RNF216: variants seen among roughly 807,000 people sequenced by gnomAD.
RNF216 encodes E3 ubiquitin-protein ligase RNF216.
RNF216 carries 72 observed loss-of-function variants against 110.8 expected under a neutral mutation model. The ratio of observed to expected loss-of-function variants is 0.65; its 90% confidence interval spans 0.54 to 0.79. RNF216 has a LOEUF of 0.79. RNF216 is among the 30% of genes least tolerant of loss of function. RNF216 has a pLI of 0.00. For synonymous variants in RNF216, 495 were observed against 407.5 expected, an observed-to-expected ratio of 1.21 and a Z score of -2.59; for missense variants, 1,342 against 1,141.2, an observed-to-expected ratio of 1.18 and a Z score of -2.54.
chr7:5,686,333 C>T (rs1486934991), intron 13 of RNF216, among the ~76,000 whole-genome samples: 1 of 152,052 alleles, frequency 6.6e-6, no homozygotes, highest in Non-Finnish European at 1.5e-5. Flanking sequence ...GTCAAAGAGC[C>T]CTTACCTGTT....
intron 14 of RNF216, among the ~76,000 whole-genome samples, chr7:5,645,635 C>A (rs569073089): frequency 1.3e-5 from 2 of 151,732 alleles, no homozygotes; most frequent in Non-Finnish European, 2.9e-5. Context: ...TCTGTCCCCA[C>A]GCTGGTGTGC....
intron 14 of RNF216, among the ~76,000 whole-genome samples, chr7:5,645,111 C>T (rs552831344): frequency 4.6e-5 from 7 of 152,044 alleles, no homozygotes; most frequent in Non-Finnish European, 7.4e-5. Flanking sequence ...CACCGTGCCC[C>T]GCCTGTTTGC....
intron 13 of RNF216, among the ~76,000 whole-genome samples, chr7:5,661,490 G>T (rs1584399896): frequency 1.3e-5 from 2 of 152,280 alleles, no homozygotes; most frequent in South Asian, 2.1e-4. Flanking sequence ...AAGTACTGGA[G>T]AATTATTCCC....
intron 3 of RNF216, among the ~76,000 whole-genome samples, chr7:5,742,626 C>T (rs979390368): frequency 5.2e-5 from 6 of 115,468 alleles, no homozygotes; most frequent in African/African-American, 9.8e-5. Context: ...GACAGAGTCT[C>T]GCTCTATTGC....
At chr7:5,668,616 G>C (rs1258536034) in intron 13 of RNF216, among the ~76,000 whole-genome samples, 1 of 152,136 alleles carries the variant, frequency 6.6e-6, no homozygotes, top group Non-Finnish European at 1.5e-5. Flanking sequence ...CTGAGGATGA[G>C]GGTCAAAGGA....
At chr7:5,701,132 C>T (rs568007529) in intron 13 of RNF216, among the ~76,000 whole-genome samples, 132 of 152,322 alleles carry the variant, frequency 8.7e-4, no homozygotes, top group African/African-American at 3.1e-3. Context: ...CAGCACGTGG[C>T]TCTCCCCAGG....
In RNF216 at chr7:5,755,435, C is replaced by A. The variant is rs189457271; in HGVS notation, c.68-2456G>T. 5.2e-3 allele frequency among the ~76,000 whole-genome samples: 798 copies of A among 152,230 alleles called. 2 individuals are homozygous for A. Among genetic ancestry groups the A allele is most frequent in the South Asian group, 0.032 (154 of 4,816 alleles). Reference sequence around the variant, plus strand: ...AGCTCTATGAATTAATACAAAGGGCCATCTGTGTATAATCACCACCACAAG... The same window carrying A: ...AGCTCTATGAATTAATACAAAGGGCAATCTGTGTATAATCACCACCACAAG... On this transcript the variant is annotated intron_variant, in intron 2 of 16. Coordinates refer to ENST00000389902, the MANE Select transcript of RNF216 (RefSeq NM_207111.4).
In RNF216 at chr7:5,741,722, A is replaced by T. The variant is rs1794770092; in HGVS notation, c.295T>A (p.Ser99Thr). The change falls in exon 4 of 17, where the codon TCT (serine) becomes ACT (threonine). Residue 99 changes from serine (S) to threonine (T), a missense_variant. Coordinates refer to ENST00000389902, the MANE Select transcript of RNF216 (RefSeq NM_207111.4). ...TTATCTGATTCAAATGCTGCTCTAG[A>T]CTTTTTAGGCCTTTCTTCTCCCAAC... is the stretch of plus-strand genomic sequence containing the variant. ...KRLGEERPKK[S>T]RAAFESDKSS... 6.2e-7 allele frequency: 1 copy of T among 1,614,174 alleles called. No individual in the cohort carries two copies. Among genetic ancestry groups the T allele is most frequent in the African/African-American group, 1.3e-5 (1 of 75,034 alleles).
At chr7:5,764,536 T>G (rs1408131703) in intron 1 of RNF216, among the ~76,000 whole-genome samples, 3 of 151,704 alleles carry the variant, frequency 2.0e-5, no homozygotes, top group Admixed American at 6.6e-5. Context: ...TAATCCCAGC[T>G]ATTCAGGAGG....
chr7:5,693,660 C>T (rs1410652037), intron 13 of RNF216, among the ~76,000 whole-genome samples: 6 of 152,292 alleles, frequency 3.9e-5, no homozygotes, highest in African/African-American at 1.4e-4. Flanking sequence ...AACTGTAGGT[C>T]TTTTGATAAG....
rs1210898054 is a variant in RNF216 at position 5,624,537 on chromosome 7, A to T, written c.2383-412T>A. On this transcript the variant is annotated intron_variant, in intron 15 of 16. Transcript: ENST00000389902. This position sits in a 1 kb window ranked among gnomAD's most constrained non-coding sequence, Gnocchi z 4.4. ...GCTCGGCATGGCAGCCTGTCTGCAGAGCCTGGAAAAGTCTTGCAGATGTCC... is the reference window on the plus strand; with the variant it reads ...GCTCGGCATGGCAGCCTGTCTGCAGTGCCTGGAAAAGTCTTGCAGATGTCC... 3.3e-5 allele frequency among the ~76,000 whole-genome samples: 5 copies of T among 152,218 alleles called. No homozygotes were observed. Among genetic ancestry groups the T allele is most frequent in the Non-Finnish European group, 7.3e-5 (5 of 68,036 alleles).
intron 13 of RNF216, among the ~76,000 whole-genome samples, chr7:5,694,316 A>G (rs1327014135): frequency 6.6e-6 from 1 of 152,206 alleles, no homozygotes; most frequent in Non-Finnish European, 1.5e-5. Flanking sequence ...TGCTTCCGCC[A>G]CTGCTACTCA....
chr7:5,741,266 G>A lies in RNF216; in HGVS notation c.751C>T (p.Pro251Ser). Residue 251 changes from proline (P) to serine (S), a missense_variant, in exon 4 of 17, where the codon CCT (proline) becomes TCT (serine). Physicochemically the swap from Pro to Ser is moderately conservative, Grantham distance 74. Coordinates refer to ENST00000389902, the MANE Select transcript of RNF216 (RefSeq NM_207111.4). Reference protein sequence around the residue: ...QPREITNQVVPQERQPEAELG... With the variant: ...QPREITNQVVSQERQPEAELG... ...TCTGCTTCAGGCTGCCGTTCCTGAG[G>A]AACGACCTGGTTTGTTATTTCACGG... 6.2e-7 allele frequency: 1 copy of A among 1,614,126 alleles called. No individual in the cohort carries two copies. Among genetic ancestry groups the A allele is most frequent in the South Asian group, 1.1e-5 (1 of 91,072 alleles).
intron 2 of RNF216, among the ~76,000 whole-genome samples, chr7:5,755,672 T>A (rs898133894): frequency 6.6e-6 from 1 of 152,246 alleles, no homozygotes. Flanking sequence ...ACTATATGAA[T>A]ATAACATAAA....
At chr7:5,651,428 T>TA (rs1174851173) in intron 14 of RNF216, among the ~76,000 whole-genome samples, 2 of 151,998 alleles carry the variant, frequency 1.3e-5, no homozygotes, top group Non-Finnish European at 2.9e-5. Context: ...GATGAGGTTT[T>TA]ACCATATTGC....
intron 14 of RNF216, among the ~76,000 whole-genome samples, chr7:5,651,934 A>G (rs886835310): frequency 3.9e-5 from 6 of 152,212 alleles, no homozygotes; most frequent in Non-Finnish European, 8.8e-5. Flanking sequence ...GGCGTGAGCC[A>G]CTGCGCCTGG....
At chr7:5,679,776 T>G (rs1303070028) in intron 13 of RNF216, among the ~76,000 whole-genome samples, 1 of 152,002 alleles carries the variant, frequency 6.6e-6, no homozygotes. Context: ...GTGCCTGCAT[T>G]TCTAACAACT....
At chr7:5,701,982 G>A (rs1791997894) in intron 13 of RNF216, among the ~76,000 whole-genome samples, 1 of 152,168 alleles carries the variant, frequency 6.6e-6, no homozygotes, top group Admixed American at 6.5e-5. Context: ...GACCAGAAGG[G>A]AGCACCAGGA....
Position 5,741,018 on chromosome 7 carries a change from A to T in RNF216, c.999T>A (p.Ala333=). 1 of 1,613,388 alleles carries T rather than the reference A, an allele frequency of 6.2e-7. No homozygotes were observed. The highest frequency in any genetic ancestry group is 8.5e-7 in the Non-Finnish European group (1 of 1,179,796). Reference sequence around the variant, plus strand: ...CAACGAGCTCTTGATCTACCTCTGCAGCTTCTTGCCCCCAAATGTTTTCCA... The same window carrying T: ...CAACGAGCTCTTGATCTACCTCTGCTGCTTCTTGCCCCCAAATGTTTTCCA... The part of the protein sequence containing the change: ...PNLENIWGQE[A]AEVDQELVEL... The change falls in exon 4 of 17, where the codon GCT becomes GCA. Residue 333 remains alanine (A), a synonymous_variant. Coordinates refer to ENST00000389902, the MANE Select transcript of RNF216 (RefSeq NM_207111.4).
Sources: gnomAD v4.1 joint callset for allele counts (sites outside exome capture counted in the v4.1 genomes callset) on GRCh38, gnomAD v4.1.1 for gene constraint, Gnocchi (gnomAD v3.1) non-coding constraint, MANE v1.5 for transcripts, NCBI Gene and HGNC (gene_info 2026-07-23, HGNC 2026-07-21) for gene names.